The following MRGPRE variants were observed in gnomAD, a reference collection of about 807,000 sequenced individuals.
The protein encoded by MRGPRE is MAS related GPR family member E, also known as mas-related G protein-coupled receptor member E.
For missense variants in MRGPRE, 466 were observed against 433.4 expected, an observed-to-expected ratio of 1.08 and a Z score of -0.67; for synonymous variants, 229 against 206.7, an observed-to-expected ratio of 1.11 and a Z score of -0.92.
At position 3,228,190 on chromosome 11, in the gene MRGPRE, C is replaced by A; in HGVS notation, c.610G>T (p.Glu204Ter). The part of the protein sequence containing the change: ...GASLMLLLRV[E>*]RGPQRPPPRG... ...GGTGGGGGCCGCTGGGGGCCTCGCT[C>A]CACCCGCAGCAGCAGCATAAGGCTG... The change falls in exon 2 of 2, where the codon GAG becomes TAG. Residue 204 changes from glutamate to a stop codon, truncating the protein, a stop_gained. Transcript: ENST00000389832. LOFTEE classifies it low-confidence loss of function (END_TRUNC). 1 of 1,561,842 alleles carries A rather than the reference C, an allele frequency of 6.4e-7. No homozygotes were observed. Among genetic ancestry groups the A allele is most frequent in the African/African-American group, 1.3e-5 (1 of 74,220 alleles).
Position 3,230,623 on chromosome 11 carries a change from C to T in MRGPRE, c.-62+1518G>A, listed in dbSNP as rs1195855844. ...AATGACAGCCTGAGGTTGTCCCCGC[C>T]TCAGGGGTGGGCATGGGGGTGGGGG... On this transcript the variant is annotated intron_variant, in intron 1 of 1. Transcript: ENST00000389832. The surrounding 1 kb of genome is among the most constrained non-coding windows in gnomAD (Gnocchi z 5.5). Among the ~76,000 whole-genome samples, 3 of 151,866 alleles carry T rather than the reference C, an allele frequency of 2.0e-5. No individual in the cohort carries two copies. Among genetic ancestry groups the T allele is most frequent in the South Asian group, 2.1e-4 (1 of 4,814 alleles).
rs1248814693 is a variant in MRGPRE at position 3,229,879 on chromosome 11, G to C, written c.-61-1019C>G. ...GAAGAGGGAGCTGTCTGATGATGGGGCTGGGAGGGGCCCTGAGCTTCCATG... is the reference window on the plus strand; with the variant it reads ...GAAGAGGGAGCTGTCTGATGATGGGCCTGGGAGGGGCCCTGAGCTTCCATG... On this transcript the variant is annotated intron_variant, in intron 1 of 1. Transcript: ENST00000389832. This position sits in a 1 kb window ranked among gnomAD's most constrained non-coding sequence, Gnocchi z 4.4. 1.3e-5 allele frequency among the ~76,000 whole-genome samples: 2 copies of C among 152,214 alleles called. No homozygotes were observed. Among genetic ancestry groups the C allele is most frequent in the African/African-American group, 2.4e-5 (1 of 41,454 alleles).
rs1847748103 is a variant in MRGPRE, at chr11:3,225,375, G to A, written c.*2486C>T. Among the ~76,000 whole-genome samples the A allele has an allele frequency of 1.3e-5, 2 of 152,258 alleles. No homozygotes were observed. Among genetic ancestry groups the A allele is most frequent in the African/African-American group, 4.8e-5 (2 of 41,474 alleles). On this transcript the variant is annotated 3_prime_UTR_variant, in exon 2 of 2. Transcript: ENST00000389832. Reference sequence around the variant, plus strand: ...GGGGCCCGGGGTTGCGGGTGGATGGGGTGGGCTGGGCACTGACCGAGGAGC... The same window carrying A: ...GGGGCCCGGGGTTGCGGGTGGATGGAGTGGGCTGGGCACTGACCGAGGAGC...
Position 3,228,175 on chromosome 11 carries a change from G to T in MRGPRE, c.625C>A (p.Arg209=), listed in dbSNP as rs547469383. The change falls in exon 2 of 2, where the codon CGG becomes AGG. Residue 209 remains arginine, a synonymous_variant. Coordinates refer to ENST00000389832, the MANE Select transcript of MRGPRE (RefSeq NM_001039165.4). ...CCAGGGAAGCCCCGGGGTGGGGGCC[G>T]CTGGGGGCCTCGCTCCACCCGCAGC... ...LLLRVERGPQ[R]PPPRGFPGLI... The T allele has an allele frequency of 1.8e-5, 28 of 1,566,912 alleles. No individual in the cohort carries two copies. In the East Asian group the frequency reaches 6.5e-4, roughly 36 times the overall value.
rs1385574462 is a variant in MRGPRE at position 3,231,490 on chromosome 11, G to A, written c.-62+651C>T. 1.3e-5 allele frequency among the ~76,000 whole-genome samples: 2 copies of A among 151,876 alleles called. No individual in the cohort carries two copies. Among genetic ancestry groups the A allele is most frequent in the Non-Finnish European group, 2.9e-5 (2 of 67,952 alleles). ...CTGTAGGAAGGGTCGCCACAGTTGGGTTACAGGACTGTGGGGAGTAGAGGA... is the reference window on the plus strand; with the variant it reads ...CTGTAGGAAGGGTCGCCACAGTTGGATTACAGGACTGTGGGGAGTAGAGGA... On this transcript the variant is annotated intron_variant, in intron 1 of 1. Transcript: ENST00000389832. This position sits in a 1 kb window ranked among gnomAD's most constrained non-coding sequence, Gnocchi z 4.7.
Position 3,225,159 on chromosome 11 carries a change from G to C in MRGPRE, c.*2702C>G, listed in dbSNP as rs976076763. ...GGCTGATTTACAGACTCGTACCCGG[G>C]CGCTGGGGAGGGGATAGGGAAGCTG... On this transcript the variant is annotated 3_prime_UTR_variant, in exon 2 of 2. Transcript: ENST00000389832. 1.6e-4 allele frequency among the ~76,000 whole-genome samples: 25 copies of C among 152,252 alleles called. No individual in the cohort carries two copies. Among genetic ancestry groups the C allele is most frequent in the African/African-American group, 5.5e-4 (23 of 41,468 alleles).
chr11:3,230,271 C>T lies in MRGPRE; in HGVS notation c.-61-1411G>A, dbSNP rs1847815173. On this transcript the variant is annotated intron_variant, in intron 1 of 1. Transcript: ENST00000389832. This position sits in a 1 kb window ranked among gnomAD's most constrained non-coding sequence, Gnocchi z 5.5. ...TCAGGGGCCGACACCAGGTGCCCCT[C>T]CCACCTTGGTGGTGGCTGGTCCTCC... 6.6e-6 allele frequency among the ~76,000 whole-genome samples: 1 copy of T among 151,946 alleles called. No homozygotes were observed. Among genetic ancestry groups the T allele is most frequent in the Non-Finnish European group, 1.5e-5 (1 of 67,952 alleles).
rs1286931364 is a variant in MRGPRE, at chr11:3,231,129, G to T, written c.-62+1012C>A. ...AGCTCCAGCCCCAAAGCAACAGGTG[G>T]GGTTTCTCCAGCCTGTGGCCCACCA... On this transcript the variant is annotated intron_variant, in intron 1 of 1. Transcript: ENST00000389832. This position sits in a 1 kb window ranked among gnomAD's most constrained non-coding sequence, Gnocchi z 4.7. Among the ~76,000 whole-genome samples the T allele has an allele frequency of 1.3e-5, 2 of 152,134 alleles. No homozygotes were observed. Among genetic ancestry groups the T allele is most frequent in the Non-Finnish European group, 2.9e-5 (2 of 68,024 alleles).
At position 3,229,468 on chromosome 11, in the gene MRGPRE, G is replaced by A. The variant is rs193215056; in HGVS notation, c.-61-608C>T. ...TCTCGAACTCCTGACCTCGTGATCC[G>A]CCTGCCTTGGACTCCCAAAGAATAA... On this transcript the variant is annotated intron_variant, in intron 1 of 1. Coordinates refer to ENST00000389832, the MANE Select transcript of MRGPRE (RefSeq NM_001039165.4). This position sits in a 1 kb window ranked among gnomAD's most constrained non-coding sequence, Gnocchi z 4.4. 3.3e-5 allele frequency among the ~76,000 whole-genome samples: 5 copies of A among 152,168 alleles called. No individual in the cohort carries two copies. In the South Asian group the frequency reaches 6.2e-4, roughly 19 times the overall value.
rs1847837020 is a variant in MRGPRE at position 3,231,976 on chromosome 11, G to A, written c.-62+165C>T. Among the ~76,000 whole-genome samples the A allele has an allele frequency of 6.6e-6, 1 of 152,242 alleles. No individual in the cohort carries two copies. The highest frequency in any genetic ancestry group is 1.9e-4 in the East Asian group (1 of 5,178). Reference sequence around the variant, plus strand: ...GGCTGCGGACCAGGTGGTGCGGCCCGTCAGAGGGCGGAGGCTGCAGCCTGG... The same window carrying A: ...GGCTGCGGACCAGGTGGTGCGGCCCATCAGAGGGCGGAGGCTGCAGCCTGG... On this transcript the variant is annotated intron_variant, in intron 1 of 1. Transcript: ENST00000389832. The surrounding 1 kb of genome is among the most constrained non-coding windows in gnomAD (Gnocchi z 4.7).
rs1847822578 is a variant in MRGPRE, at chr11:3,230,943, T to C, written c.-62+1198A>G. Reference sequence around the variant, plus strand: ...GGGGAGATGTGGGGAGGGGGACAGATGCTCTCCTACTCAGGATAGCTTGGG... The same window carrying C: ...GGGGAGATGTGGGGAGGGGGACAGACGCTCTCCTACTCAGGATAGCTTGGG... On this transcript the variant is annotated intron_variant, in intron 1 of 1. Transcript: ENST00000389832. The surrounding 1 kb of genome is among the most constrained non-coding windows in gnomAD (Gnocchi z 5.5). Among the ~76,000 whole-genome samples, 1 of 151,512 alleles carries C rather than the reference T, an allele frequency of 6.6e-6. No individual in the cohort carries two copies. The highest frequency in any genetic ancestry group is 2.4e-5 in the African/African-American group (1 of 41,198).
Position 3,228,103 on chromosome 11 carries a change from A to T in MRGPRE, c.697T>A (p.Phe233Ile). Residue 233 changes from phenylalanine (F) to isoleucine (I), a missense_variant, in exon 2 of 2, where the codon TTC becomes ATC. By Grantham distance (21) the Phe-to-Ile change is conservative (BLOSUM62 0). Transcript: ENST00000389832. ...TTCCGGGACAGCCAGTAGATGCCGA[A>T]GGGCAGGCCGCAGAAGAGGAAGAGG... Reference protein sequence around the residue: ...VLLFLFCGLPFGIYWLSRNLL... With the variant: ...VLLFLFCGLPIGIYWLSRNLL... 6.3e-7 allele frequency: 1 copy of T among 1,599,490 alleles called. No homozygotes were observed.
rs373575466 is a variant in MRGPRE at position 3,227,846 on chromosome 11, C to T, written c.*15G>A. The T allele has an allele frequency of 3.4e-4, 481 of 1,434,172 alleles. 1 individual carries two copies. The African/African-American group carries it at 4.0e-3, about 12-fold the overall frequency. The allele number at this position is 1,434,172 out of a possible 1,614,324, so 88.8% of individuals were successfully genotyped here. The stretch of plus-strand genomic sequence containing the variant: ...GCCTCACGGGGGCTGCAGCTGGGGT[C>T]GGGGGCCCCAGGGCTCAGGCTGCTA... On this transcript the variant is annotated 3_prime_UTR_variant, in exon 2 of 2. Coordinates refer to ENST00000389832, the MANE Select transcript of MRGPRE (RefSeq NM_001039165.4).
chr11:3,228,411 C>A lies in MRGPRE; in HGVS notation c.389G>T (p.Trp130Leu), dbSNP rs755051482. The change falls in exon 2 of 2, where the codon TGG (tryptophan) becomes TTG (leucine). Residue 130 changes from tryptophan to leucine, a missense_variant. Physicochemically the swap from Trp to Leu is moderately conservative, Grantham distance 61. Transcript: ENST00000389832. ...GTGGCGTGGGCGGCGGCACGAGTAC[C>A]AGGCTGGGAAGAGGGCGGCCAGGCA... ...EQCLAALFPA[W>L]YSCRRPRHLT... 2 of 1,606,780 alleles carry A rather than the reference C, an allele frequency of 1.2e-6. No homozygotes were observed. The highest frequency in any genetic ancestry group is 8.5e-7 in the Non-Finnish European group (1 of 1,177,900).
chr11:3,228,307 A>G lies in MRGPRE; in HGVS notation c.493T>C (p.Phe165Leu). The change falls in exon 2 of 2, where the codon TTC becomes CTC. Residue 165 changes from phenylalanine (F) to leucine (L), a missense_variant. Coordinates refer to ENST00000389832, the MANE Select transcript of MRGPRE (RefSeq NM_001039165.4). Reference sequence around the variant, plus strand: ...AAGTGGCGGCTGGGCTCCCCGAAGAACTGGGTGCAGGCGCCGCTGAGCAGC... The same window carrying G: ...AAGTGGCGGCTGGGCTCCCCGAAGAGCTGGGTGCAGGCGCCGCTGAGCAGC... ...HLLLSGACTQ[F>L]FGEPSRHLCR... The G allele has an allele frequency of 1.3e-6, 2 of 1,555,856 alleles. No individual in the cohort carries two copies. The highest frequency in any genetic ancestry group is 2.3e-5 in the South Asian group (2 of 85,116).
In MRGPRE at chr11:3,227,588, C is replaced by T. The variant is rs1357802254; in HGVS notation, c.*273G>A. 3.3e-5 allele frequency: 13 copies of T among 393,122 alleles called. 1 individual carries two copies. Among genetic ancestry groups the T allele is most frequent in the Non-Finnish European group, 5.0e-5 (11 of 221,624 alleles). The allele number at this position is 393,122 out of a possible 1,614,324, so 24.4% of individuals were successfully genotyped here. On this transcript the variant is annotated 3_prime_UTR_variant, in exon 2 of 2. Coordinates refer to ENST00000389832, the MANE Select transcript of MRGPRE (RefSeq NM_001039165.4). ...AGCTCTCGAGTGCCAGTGCGTGAAC[C>T]GTTGGGGAGGTTTCCCAAAAATGCA... is the stretch of plus-strand genomic sequence containing the variant.
chr11:3,226,908 C>G lies in MRGPRE; in HGVS notation c.*953G>C, dbSNP rs999883608. 6.6e-6 allele frequency among the ~76,000 whole-genome samples: 1 copy of G among 152,118 alleles called. No homozygotes were observed. The highest frequency in any genetic ancestry group is 1.5e-5 in the Non-Finnish European group (1 of 68,040). On this transcript the variant is annotated 3_prime_UTR_variant, in exon 2 of 2. Coordinates refer to ENST00000389832, the MANE Select transcript of MRGPRE (RefSeq NM_001039165.4). ...GTGGGGTGGCTAGCGGGGCTCAGCC[C>G]AGGCTGTGGGCTCCAAAGCCCCCAC...
chr11:3,231,483 C>T lies in MRGPRE; in HGVS notation c.-62+658G>A, dbSNP rs1847829289. The stretch of plus-strand genomic sequence containing the variant: ...CAGAGCTCTGTAGGAAGGGTCGCCA[C>T]AGTTGGGTTACAGGACTGTGGGGAG... On this transcript the variant is annotated intron_variant, in intron 1 of 1. Coordinates refer to ENST00000389832, the MANE Select transcript of MRGPRE (RefSeq NM_001039165.4). This position sits in a 1 kb window ranked among gnomAD's most constrained non-coding sequence, Gnocchi z 4.7. 6.6e-6 allele frequency among the ~76,000 whole-genome samples: 1 copy of T among 151,338 alleles called. No individual in the cohort carries two copies. The highest frequency in any genetic ancestry group is 2.1e-4 in the South Asian group (1 of 4,796).
chr11:3,226,499 G>A lies in MRGPRE; in HGVS notation c.*1362C>T, dbSNP rs1237861453. 6.6e-6 allele frequency: 1 copy of A among 152,154 alleles called. No individual in the cohort carries two copies. Among genetic ancestry groups the A allele is most frequent in the Non-Finnish European group, 1.5e-5 (1 of 68,080 alleles). The allele number at this position is 152,154 out of a possible 1,614,324, so 9.4% of individuals were successfully genotyped here. ...GGGATACCTGGACCCAGGCCTGCTG[G>A]GCACGTGCGGGAGCCTGAGGTGAAC... On this transcript the variant is annotated 3_prime_UTR_variant, in exon 2 of 2. Transcript: ENST00000389832.
Sources: allele counts gnomAD v4.1 joint callset (sites outside exome capture counted in the v4.1 genomes callset), GRCh38; gene constraint gnomAD v4.1.1; non-coding constraint Gnocchi (gnomAD v3.1); transcripts MANE v1.5; gene names NCBI Gene and HGNC (gene_info 2026-07-23, HGNC 2026-07-21).